The following DMBX1 variants were observed in gnomAD, a reference collection of about 807,000 sequenced individuals.
DMBX1 encodes diencephalon/mesencephalon homeobox 1.
A neutral mutation model predicts 30.4 loss-of-function variants in DMBX1; 7 were observed. The ratio of observed to expected loss-of-function variants is 0.23; its 90% CI spans 0.13 to 0.43. DMBX1 has a LOEUF of 0.43. Ranked by LOEUF, DMBX1 falls within the 20% of genes least tolerant of loss-of-function variation. The probability of loss-of-function intolerance (pLI) is 1.00; values close to 1 mark genes in which losing one functional copy is unlikely to be tolerated. For synonymous variants in DMBX1, 222 were observed against 214.2 expected, an observed-to-expected ratio of 1.04 and a Z score of -0.32; for missense variants, 460 against 508.5, an observed-to-expected ratio of 0.90 and a Z score of 0.92.
At chr1:46,508,769 G>A (rs993895538) in intron 3 of DMBX1, among the ~76,000 whole-genome samples, 3 of 152,134 alleles carry the variant, frequency 2.0e-5, no homozygotes, top group African/African-American at 4.8e-5. Flanking sequence ...AGGCTCTGCC[G>A]GCGGTTTAGA....
At chr1:46,494,009 T>C (rs1271388336) in intron 2 of DMBX1, among the ~76,000 whole-genome samples, 1 of 152,256 alleles carries the variant, frequency 6.6e-6, no homozygotes, top group Non-Finnish European at 1.5e-5. Flanking sequence ...CCACCACTTC[T>C]GTACCCTGGA....
chr1:46,503,631 G>A (rs12071150), intron 2 of DMBX1, among the ~76,000 whole-genome samples: 6,813 of 152,258 alleles, frequency 0.045, 444 homozygotes, highest in African/African-American at 0.15. Flanking sequence ...GAATGTCTGC[G>A]TACGTGTATT....
rs997605966 is a variant in DMBX1, at chr1:46,493,531, C to T, written c.-13+2748C>T. ...ATCCCAGCTCTGGTGGCTCTGGCCC[C>T]AACTGTTCTTCGGACTTTAGCCAGG... On this transcript the variant is annotated intron_variant, in intron 2 of 5. Coordinates refer to ENST00000360032, the MANE Select transcript of DMBX1 (RefSeq NM_172225.2). This position sits in a 1 kb window ranked among gnomAD's most constrained non-coding sequence, Gnocchi z 4.1. Among the ~76,000 whole-genome samples, 2 of 152,246 alleles carry T rather than the reference C, an allele frequency of 1.3e-5. No individual in the cohort carries two copies. The highest frequency in any genetic ancestry group is 2.9e-5 in the Non-Finnish European group (2 of 68,044).
At chr1:46,503,349 G>A (rs1281615187) in intron 2 of DMBX1, among the ~76,000 whole-genome samples, 1 of 152,152 alleles carries the variant, frequency 6.6e-6, no homozygotes, top group Non-Finnish European at 1.5e-5. Flanking sequence ...TCCGACAGTA[G>A]TACATATATT....
At position 46,514,087 on chromosome 1, in the gene DMBX1, C is replaced by A. The variant is rs1183487572; in HGVS notation, c.*1593C>A. On this transcript the variant is annotated 3_prime_UTR_variant, in exon 6 of 6. Transcript: ENST00000360032. ...AATTAGCTGGGCGTGGTGGCACATGCCTGTAATCCCAGCTACTTGGGAGGC... is the reference window on the plus strand; with the variant it reads ...AATTAGCTGGGCGTGGTGGCACATGACTGTAATCCCAGCTACTTGGGAGGC... 6.6e-6 allele frequency: 1 copy of A among 152,190 alleles called. No individual in the cohort carries two copies. The highest frequency in any genetic ancestry group is 1.5e-5 in the Non-Finnish European group (1 of 68,094). The allele number at this position is 152,190 out of a possible 1,614,324, so 9.4% of individuals were successfully genotyped here. A position where few individuals can be genotyped will look rare whatever the true frequency, so the allele number is the denominator to read the frequency against.
intron 2 of DMBX1, among the ~76,000 whole-genome samples, chr1:46,496,626 GC>G (rs1431506627): frequency 1.3e-5 from 2 of 152,232 alleles, no homozygotes; most frequent in Non-Finnish European, 2.9e-5. Flanking sequence ...TGTTCAGCCA[GC>G]CCCACAACAC....
At position 46,516,062 on chromosome 1, in the gene DMBX1, C is replaced by T. The variant is rs1397996691; in HGVS notation, c.*3568C>T. ...TATTTATTCTGTTAGTGGAAAAAAA[C>T]AAGACTTAATTCACCCCTGCCTGTC... On this transcript the variant is annotated 3_prime_UTR_variant, in exon 6 of 6. Transcript: ENST00000360032. 6.6e-6 allele frequency among the ~76,000 whole-genome samples: 1 copy of T among 152,198 alleles called. No individual in the cohort carries two copies. Among genetic ancestry groups the T allele is most frequent in the Non-Finnish European group, 1.5e-5 (1 of 68,034 alleles).
rs371280083 is a variant in DMBX1, at chr1:46,510,561, C to T, written c.240C>T (p.Ala80=). The T allele has an allele frequency of 2.8e-5, 46 of 1,614,170 alleles. No homozygotes were observed. Among genetic ancestry groups the T allele is most frequent in the Non-Finnish European group, 3.7e-5 (44 of 1,180,034 alleles). Reference sequence around the variant, plus strand: ...CGTTCACGGCTCAGCAGCTCGAGGCCCTGGAAAAGACCTTCCAGAAGACTC... The same window carrying T: ...CGTTCACGGCTCAGCAGCTCGAGGCTCTGGAAAAGACCTTCCAGAAGACTC... ...RTAFTAQQLE[A]LEKTFQKTHY... is the part of the protein sequence containing the mutation. Residue 80 remains alanine, a synonymous_variant, in exon 4 of 6, where the codon GCC becomes GCT. Transcript: ENST00000360032. The surrounding 1 kb of genome is among the most constrained non-coding windows in gnomAD (Gnocchi z 4.1).
Position 46,510,755 on chromosome 1 carries a change from A to C in DMBX1, c.333+101A>C. 1 of 1,440,010 alleles carries C rather than the reference A, an allele frequency of 6.9e-7. No individual in the cohort carries two copies. The highest frequency in any genetic ancestry group is 1.4e-5 in the South Asian group (1 of 73,070). 89.2% of individuals were successfully genotyped at this position (1,440,010 alleles called of 1,614,324 possible). On this transcript the variant is annotated intron_variant, in intron 4 of 5. Transcript: ENST00000360032. The surrounding 1 kb of genome is among the most constrained non-coding windows in gnomAD (Gnocchi z 4.1). ...GCATGTCATCCCTGTGCCAAGGTGC[A>C]ACTGATCTCTCCATCAAAGCCTTCA...
chr1:46,501,282 T>C (rs942566302), intron 2 of DMBX1, among the ~76,000 whole-genome samples: 8 of 149,178 alleles, frequency 5.4e-5, no homozygotes, highest in African/African-American at 2.0e-4. Context: ...CTTCTTTCTT[T>C]CTTTCCTTCT....
At chr1:46,496,121 T>C (rs977041902) in intron 2 of DMBX1, among the ~76,000 whole-genome samples, 3 of 152,168 alleles carry the variant, frequency 2.0e-5, no homozygotes, top group Non-Finnish European at 4.4e-5. Flanking sequence ...TTTGAGTGCC[T>C]GATACTGACA....
chr1:46,502,130 C>T (rs1205790351), intron 2 of DMBX1, among the ~76,000 whole-genome samples: 2 of 152,166 alleles, frequency 1.3e-5, no homozygotes, highest in Non-Finnish European at 2.9e-5. Flanking sequence ...TGAATGCTGA[C>T]TCTGAAGTCT....
chr1:46,492,483 G>A (rs1409254842), intron 2 of DMBX1, among the ~76,000 whole-genome samples: 2 of 152,180 alleles, frequency 1.3e-5, no homozygotes, highest in African/African-American at 4.8e-5. Flanking sequence ...ATAGCCCTTA[G>A]TGCCAGCCTC....
Position 46,493,184 on chromosome 1 carries a change from C to T in DMBX1, c.-13+2401C>T, listed in dbSNP as rs1214963077. 3.9e-5 allele frequency among the ~76,000 whole-genome samples: 6 copies of T among 152,182 alleles called. No individual in the cohort carries two copies. The highest frequency in any genetic ancestry group is 9.7e-5 in the African/African-American group (4 of 41,420). On this transcript the variant is annotated intron_variant, in intron 2 of 5. Transcript: ENST00000360032. The surrounding 1 kb of genome is among the most constrained non-coding windows in gnomAD (Gnocchi z 4.1). ...AGCAATAAATATCTAATCAAGGCCC[C>T]GGGCGACGCCACTGCTGCCCGCCAA...
At chr1:46,511,710 G>A (rs1330315632) in intron 5 of DMBX1, among the ~76,000 whole-genome samples, 1 of 152,124 alleles carries the variant, frequency 6.6e-6, no homozygotes, top group African/African-American at 2.4e-5. Flanking sequence ...CAGCAGGGAG[G>A]GGACAGGGGC....
At position 46,512,684 on chromosome 1, in the gene DMBX1, C is replaced by G; in HGVS notation, c.*190C>G. On this transcript the variant is annotated 3_prime_UTR_variant, in exon 6 of 6. Transcript: ENST00000360032. The surrounding 1 kb of genome is among the most constrained non-coding windows in gnomAD (Gnocchi z 4.8). ...ACACCTACACACCCTCTGCATGGCCCTGCCTGGACCCCATGGAGGCCGAAT... is the reference window on the plus strand; with the variant it reads ...ACACCTACACACCCTCTGCATGGCCGTGCCTGGACCCCATGGAGGCCGAAT... 1 of 651,904 alleles carries G rather than the reference C, an allele frequency of 1.5e-6. No homozygotes were observed. The highest frequency in any genetic ancestry group is 2.5e-6 in the Non-Finnish European group (1 of 397,636). The allele number at this position is 651,904 out of a possible 1,614,324, so 40.4% of individuals were successfully genotyped here. A position where few individuals can be genotyped will look rare whatever the true frequency, so the allele number is the denominator to read the frequency against.
chr1:46,495,606 T>C (rs1428003969), intron 2 of DMBX1, among the ~76,000 whole-genome samples: 1 of 152,204 alleles, frequency 6.6e-6, no homozygotes, highest in Non-Finnish European at 1.5e-5. Context: ...AATTGGCAAC[T>C]ACAATTTGGT....
rs1203224549 is a variant in DMBX1, at chr1:46,515,253, C to T, written c.*2759C>T. On this transcript the variant is annotated 3_prime_UTR_variant, in exon 6 of 6. Transcript: ENST00000360032. ...CCTCTGGGATTAGCCCCAGGAAGTT[C>T]TGTTTCTAAAACAAAAAATAATCAT... Among the ~76,000 whole-genome samples the T allele has an allele frequency of 6.6e-6, 1 of 151,788 alleles. No homozygotes were observed. The highest frequency in any genetic ancestry group is 1.5e-5 in the Non-Finnish European group (1 of 67,946).
chr1:46,510,483 C>T lies in DMBX1; in HGVS notation c.162C>T (p.Ile54=). ...LTLAERLADI[I]LEARYGSQHR... is the part of the protein sequence containing the mutation. The stretch of plus-strand genomic sequence containing the variant: ...ACGGCTGTACATTTCAAGACATCAT[C>T]TTGGAGGCCCGTTATGGTTCCCAGC... The change falls in exon 4 of 6, where the codon ATC becomes ATT. Residue 54 remains isoleucine, a synonymous_variant. Transcript: ENST00000360032. The surrounding 1 kb of genome is among the most constrained non-coding windows in gnomAD (Gnocchi z 4.1). 3.1e-6 allele frequency: 5 copies of T among 1,613,820 alleles called. No individual in the cohort carries two copies. The highest frequency in any genetic ancestry group is 4.2e-6 in the Non-Finnish European group (5 of 1,179,954).
Sources: allele counts gnomAD v4.1 joint callset (sites outside exome capture counted in the v4.1 genomes callset), GRCh38; gene constraint gnomAD v4.1.1; non-coding constraint Gnocchi (gnomAD v3.1); transcripts MANE v1.5; gene names NCBI Gene and HGNC (gene_info 2026-07-23, HGNC 2026-07-21).